The following ATP2C1 variants were observed in gnomAD, a reference collection of about 807,000 sequenced individuals.
ATP2C1 encodes the protein ATPase secretory pathway Ca2+ transporting 1, also known as calcium-transporting ATPase type 2C member 1.
ATP2C1 carries 31 observed loss-of-function variants against 120.5 expected under a neutral mutation model. The observed-to-expected ratio is 0.26, with a 90% CI of 0.19 to 0.35. ATP2C1 has a LOEUF of 0.35. Ranked by LOEUF, ATP2C1 falls within the 10% of genes least tolerant of loss-of-function variation. The pLI, the probability that ATP2C1 is intolerant of heterozygous loss-of-function variation, is 1.00. For missense variants in ATP2C1, 731 were observed against 1,107.5 expected, an observed-to-expected ratio of 0.66 and a Z score of 4.83; for synonymous variants, 351 against 358.7, an observed-to-expected ratio of 0.98 and a Z score of 0.24.
intron 2 of ATP2C1, among the ~76,000 whole-genome samples, chr3:130,920,706 T>C (rs746710129): frequency 6.6e-5 from 10 of 152,234 alleles, no homozygotes; most frequent in Non-Finnish European, 1.5e-4. Flanking sequence ...TTTCCATTTC[T>C]ATAAAAAATA....
intron 1 of ATP2C1, among the ~76,000 whole-genome samples, chr3:130,862,927 A>G (rs1387222173): frequency 6.6e-6 from 1 of 152,216 alleles, no homozygotes; most frequent in African/African-American, 2.4e-5. Flanking sequence ...TCTCAAGCCA[A>G]TTGCAGTTAA....
At chr3:130,957,984 G>A (rs1346154054) in intron 11 of ATP2C1, among the ~76,000 whole-genome samples, 11 of 152,112 alleles carry the variant, frequency 7.2e-5, no homozygotes, top group Non-Finnish European at 1.6e-4. Context: ...TGGTGTGTAT[G>A]CCCTCATAAC....
intron 1 of ATP2C1, among the ~76,000 whole-genome samples, chr3:130,861,384 A>G (rs1235235945): frequency 2.0e-5 from 3 of 152,186 alleles, no homozygotes; most frequent in Non-Finnish European, 4.4e-5. Flanking sequence ...GAGAACCCAG[A>G]AAGACAGCAA....
At chr3:130,865,299 CTCCA>C (rs2068135348) in intron 1 of ATP2C1, among the ~76,000 whole-genome samples, 1 of 152,184 alleles carries the variant, frequency 6.6e-6, no homozygotes, top group Admixed American at 6.5e-5. Context: ...ATACCTGTAC[CTCCA>C]TTGTATCTAG....
At chr3:130,955,986 G>A (rs2060565346) in intron 10 of ATP2C1, 118 bp from the exon 11 acceptor site, 1 of 730,968 alleles carries the variant, frequency 1.4e-6, no homozygotes, top group Non-Finnish European at 2.5e-6. Context: ...TTACCTTATG[G>A]GAGAGTTGTA....
chr3:130,863,904 C>G (rs150722396), intron 1 of ATP2C1, among the ~76,000 whole-genome samples: 1 of 152,158 alleles, frequency 6.6e-6, no homozygotes, highest in Admixed American at 6.5e-5. Flanking sequence ...TTCCCAGTCT[C>G]GGGCATATCT....
intron 24 of ATP2C1, 94 bp from the exon 25 acceptor site, chr3:130,997,512 A>C (rs1381499887): frequency 8.6e-7 from 1 of 1,168,972 alleles, no homozygotes; most frequent in Non-Finnish European, 1.3e-6. Flanking sequence ...GAAAGCATTT[A>C]GTTTGCCGAA....
chr3:131,016,226 A>C (rs923945179), exon 27 of ATP2C1: 1 of 1,614,178 alleles, frequency 6.2e-7, no homozygotes, highest in South Asian at 1.1e-5. Context: ...TGCCACTGAC[A>C]GAAGATGTGA....
chr3:130,910,298 G>A (rs1246841882), intron 2 of ATP2C1, among the ~76,000 whole-genome samples: 3 of 149,990 alleles, frequency 2.0e-5, no homozygotes, highest in African/African-American at 7.4e-5. Flanking sequence ...CATTGATTTT[G>A]TATCCTGAGA....
intron 2 of ATP2C1, chr3:130,899,518 G>A (rs1203840025): frequency 6.6e-6 from 1 of 152,224 alleles, no homozygotes; most frequent in African/African-American, 2.4e-5. Context: ...AAAAGGAGGG[G>A]TTGGTCTTGC....
intron 1 of ATP2C1, among the ~76,000 whole-genome samples, chr3:130,880,634 T>C (rs1559879208): frequency 2.0e-5 from 3 of 152,258 alleles, no homozygotes; most frequent in Non-Finnish European, 4.4e-5. Flanking sequence ...AATTTGTAAT[T>C]ACCCTTCTCT....
In ATP2C1 at chr3:130,967,384, C is replaced by T; in HGVS notation, c.1273C>T (p.Pro425Ser). 1.2e-6 allele frequency: 2 copies of T among 1,613,602 alleles called. No individual in the cohort carries two copies. The highest frequency in any genetic ancestry group is 1.7e-6 in the Non-Finnish European group (2 of 1,179,722). Reference protein sequence around the residue: ...VIRNNTLMGKPTEGALIALAM... With the variant: ...VIRNNTLMGKSTEGALIALAM... ...TAGAAACAATACTCTAATGGGGAAGCCAACAGAAGGGGCCTTAATTGCTCT... is the reference window on the plus strand; with the variant it reads ...TAGAAACAATACTCTAATGGGGAAGTCAACAGAAGGGGCCTTAATTGCTCT... The change falls in exon 16 of 28, where the codon CCA (proline) becomes TCA (serine). Residue 425 changes from proline to serine, a missense_variant. Physicochemically the swap from Pro to Ser is moderately conservative, Grantham distance 74. Around this residue, in one of 3 missense-constraint regions of ATP2C1, gnomAD observed 571 missense variants for 845.9 expected, o/e 0.67. Transcript: ENST00000510168.
Position 131,002,964 on chromosome 3 carries a change from CT to C in ATP2C1, c.*1616del, listed in dbSNP as rs1198142604. ...GTCTAATCAACTCTATCATTAGTGA[CT>C]TGATGTCTCATACCTTAATTTTGTA... On this transcript the variant is annotated 3_prime_UTR_variant, in exon 28 of 28. Transcript: ENST00000510168. 1.0e-6 allele frequency: 1 copy of C among 985,370 alleles called. No individual in the cohort carries two copies. The highest frequency in any genetic ancestry group is 1.7e-5 in the African/African-American group (1 of 57,212). The allele number at this position is 985,370 out of a possible 1,614,324, so 61.0% of individuals were successfully genotyped here. A position where few individuals can be genotyped will look rare whatever the true frequency, so the allele number is the denominator to read the frequency against.
Position 130,894,243 on chromosome 3 carries a change from C to A in ATP2C1, c.-275C>A. On this transcript the variant is annotated 5_prime_UTR_variant, in exon 1 of 28. Coordinates refer to ENST00000510168, the MANE Select transcript of ATP2C1 (RefSeq NM_001378687.1). The surrounding 1 kb of genome is among the most constrained non-coding windows in gnomAD (Gnocchi z 4.5). The stretch of plus-strand genomic sequence containing the variant: ...GCTCCCGCCTCGCACCGCTGCCCCG[C>A]GAGCAGCTCCTCTTCTCCCGAGGCG... 1 of 985,454 alleles carries A rather than the reference C, an allele frequency of 1.0e-6. No homozygotes were observed. The highest frequency in any genetic ancestry group is 4.7e-5 in the South Asian group (1 of 21,426). The allele number at this position is 985,454 out of a possible 1,614,324, so 61.0% of individuals were successfully genotyped here.
rs1169977577 is a variant in ATP2C1 at position 130,967,190 on chromosome 3, G to A, written c.1168G>A (p.Gly390Ser). 1 of 1,613,670 alleles carries A rather than the reference G, an allele frequency of 6.2e-7. No individual in the cohort carries two copies. The highest frequency in any genetic ancestry group is 2.2e-5 in the East Asian group (1 of 44,872). ...TCAATTTGGGGAAGTGATTGTTGATGGTGATGTTGTTCATGGATTCTATAA... is the reference window on the plus strand; with the variant it reads ...TCAATTTGGGGAAGTGATTGTTGATAGTGATGTTGTTCATGGATTCTATAA... ...YNQFGEVIVD[G>S]DVVHGFYNPA... Residue 390 changes from glycine (G) to serine (S), a missense_variant, in exon 15 of 28, where the codon GGT becomes AGT. Gly to Ser is a moderately conservative substitution (Grantham distance 56). Transcript: ENST00000510168.
intron 2 of ATP2C1, 49 bp from the exon 3 acceptor site, chr3:130,930,367 A>G: frequency 8.5e-7 from 1 of 1,180,026 alleles, no homozygotes. Context: ...AGACTGCATT[A>G]CACTTGTTTG....
chr3:130,862,059 C>A (rs2068031347), intron 1 of ATP2C1, among the ~76,000 whole-genome samples: 2 of 151,938 alleles, frequency 1.3e-5, no homozygotes, highest in Admixed American at 1.3e-4. Flanking sequence ...CTGCAAGCTC[C>A]ACCTCCTGGG....
At chr3:130,971,484 A>G (rs1184161821) in intron 17 of ATP2C1, among the ~76,000 whole-genome samples, 2 of 152,226 alleles carry the variant, frequency 1.3e-5, no homozygotes, top group African/African-American at 4.8e-5. Flanking sequence ...ACATTTTAAA[A>G]GTAACTTCAG....
intron 21 of ATP2C1, 126 bp downstream of exon 21, chr3:130,993,127 T>A (rs2062432614): frequency 1.3e-5 from 10 of 775,776 alleles, no homozygotes; most frequent in Non-Finnish European, 2.1e-5. Context: ...AAACAGTTTT[T>A]TTTTTTTGTA....
Sources: allele counts gnomAD v4.1 joint callset (sites outside exome capture counted in the v4.1 genomes callset), GRCh38; gene constraint gnomAD v4.1.1; regional missense constraint gnomAD v4.1.1; non-coding constraint Gnocchi (gnomAD v3.1); transcripts MANE v1.5; gene names NCBI Gene and HGNC (gene_info 2026-07-23, HGNC 2026-07-21).